The following CWC25 variants were observed in gnomAD, a reference collection of about 807,000 sequenced individuals.
CWC25 encodes the protein pre-mRNA-splicing factor CWC25 homolog.
CWC25 carries 31 observed loss-of-function variants against 54.6 expected under a neutral mutation model. The ratio of observed to expected loss-of-function variants is 0.57; its 90% CI spans 0.43 to 0.77. CWC25 has a LOEUF of 0.77. Among genes scored for constraint, CWC25 ranks in the 30% least tolerant of loss-of-function variants. CWC25 has a pLI of 0.00. For missense variants in CWC25, 453 were observed against 529.3 expected, an observed-to-expected ratio of 0.86 and a Z score of 1.41; for synonymous variants, 151 against 187.0, an observed-to-expected ratio of 0.81 and a Z score of 1.57.
At chr17:38,825,038 G>C in intron 1 of CWC25, 128 bp downstream of exon 1, 1 of 853,032 alleles carries the variant, frequency 1.2e-6, no homozygotes, top group Non-Finnish European at 1.8e-6. Context: ...CCTCTTCAGG[G>C]CAACGGCCTC....
chr17:38,810,093 C>T (rs1911422519), intron 5 of CWC25, among the ~76,000 whole-genome samples: 1 of 152,102 alleles, frequency 6.6e-6, no homozygotes, highest in African/African-American at 2.4e-5. Context: ...GCAAAATGGG[C>T]CCACATCAGC....
intron 2 of CWC25, 45 bp downstream of exon 2, chr17:38,820,855 CT>C: frequency 6.3e-7 from 1 of 1,576,496 alleles, no homozygotes. Context: ...CTCAGGACAG[CT>C]CTGCAATTCC....
Position 38,802,195 on chromosome 17 carries a change from A to C in CWC25, c.1175T>G (p.Leu392Arg). 1 of 1,612,384 alleles carries C rather than the reference A, an allele frequency of 6.2e-7. No individual in the cohort carries two copies. Among genetic ancestry groups the C allele is most frequent in the Middle Eastern group, 1.6e-4 (1 of 6,062 alleles). ...RDGKFIHRMK[L>R]ESASTSSLED... ...CAGGGAGGAAGTAGATGCACTCTCC[A>C]GCTTCATGCGGCTAGGAAGAGAAGA... Residue 392 changes from leucine to arginine, a missense_variant, in exon 10 of 10, where the codon CTG becomes CGG. This residue lies in a region of CWC25 where 444 missense variants were observed against 499.2 expected (regional missense o/e 0.89). Transcript: ENST00000614790.
chr17:38,820,877 G>A, intron 2 of CWC25, 24 bp downstream of exon 2: 4 of 1,598,376 alleles, frequency 2.5e-6, no homozygotes, highest in Admixed American at 1.7e-5. Flanking sequence ...CTACACACAA[G>A]CGCACCCCCA....
At position 38,806,365 on chromosome 17, in the gene CWC25, T is replaced by C. The variant is rs749482809; in HGVS notation, c.933A>G (p.Thr311=). The change falls in exon 8 of 10, where the codon ACA becomes ACG. Residue 311 remains threonine, a synonymous_variant. Transcript: ENST00000614790. The part of the protein sequence containing the change: ...LHNSKVNRRE[T]GQTRSPSPKK... Reference sequence around the variant, plus strand: ...TAGGTGATGGGCTCCTAGTTTGGCCTGTCTCTCTCCTGTTCACCTTAGAGT... The same window carrying C: ...TAGGTGATGGGCTCCTAGTTTGGCCCGTCTCTCTCCTGTTCACCTTAGAGT... The C allele has an allele frequency of 6.2e-7, 1 of 1,613,702 alleles. No homozygotes were observed. Among genetic ancestry groups the C allele is most frequent in the Non-Finnish European group, 8.5e-7 (1 of 1,179,806 alleles).
In CWC25 at chr17:38,802,142, A is replaced by G. The variant is rs373545048; in HGVS notation, c.1228T>C (p.Ser410Pro). Residue 410 changes from serine (S) to proline (P), a missense_variant, in exon 10 of 10, where the codon TCT becomes CCT. Ser to Pro is a moderately conservative substitution (Grantham distance 74, BLOSUM62 -1). Around this residue, in one of 2 missense-constraint regions of CWC25, gnomAD observed 444 missense variants for 499.2 expected, o/e 0.89. Coordinates refer to ENST00000614790, the MANE Select transcript of CWC25 (RefSeq NM_017748.5). ...LEDRVKRNIY[S>P]LQRTSVALEK... ...AGAGCTACCGAAGTTCTCTGTAAAG[A>G]GTAGATATTCCGCTTCACCCGATCC... The G allele has an allele frequency of 1.7e-5, 27 of 1,613,822 alleles. No homozygotes were observed. The highest frequency in any genetic ancestry group is 2.3e-5 in the Non-Finnish European group (27 of 1,179,810).
At chr17:38,818,460 C>T (rs1364511606) in intron 2 of CWC25, among the ~76,000 whole-genome samples, 5 of 144,990 alleles carry the variant, frequency 3.4e-5, no homozygotes, top group African/African-American at 7.7e-5. Flanking sequence ...GGCGTGGTGG[C>T]GGGCGCCTGT....
chr17:38,812,785 T>C lies in CWC25; in HGVS notation c.498+10A>G, dbSNP rs757692484. 75 of 1,440,358 alleles carry C rather than the reference T, an allele frequency of 5.2e-5. No individual in the cohort carries two copies. The highest frequency in any genetic ancestry group is 6.8e-5 in the Non-Finnish European group (71 of 1,045,744). The allele number at this position is 1,440,358 out of a possible 1,614,324, so 89.2% of individuals were successfully genotyped here. A position where few individuals can be genotyped will look rare whatever the true frequency, so the allele number is the denominator to read the frequency against. On this transcript the variant is annotated intron_variant, in intron 4 of 9. Coordinates refer to ENST00000614790, the MANE Select transcript of CWC25 (RefSeq NM_017748.5). ...AGATGCTCTTGGTGCTTATCTGGTA[T>C]ACTACTTACCAATTCTTTGATTTTC...
chr17:38,809,106 C>G (rs967843373), intron 6 of CWC25, among the ~76,000 whole-genome samples: 5 of 150,186 alleles, frequency 3.3e-5, no homozygotes, highest in African/African-American at 9.8e-5. Context: ...AAGAACCCAG[C>G]AGATTTATGT....
chr17:38,802,477 A>T (rs1418514258), intron 9 of CWC25, among the ~76,000 whole-genome samples: 1 of 152,226 alleles, frequency 6.6e-6, no homozygotes, highest in African/African-American at 2.4e-5. Flanking sequence ...TTAAAAAGGA[A>T]GGTCAAGGAA....
intron 6 of CWC25, among the ~76,000 whole-genome samples, chr17:38,807,563 C>T (rs1911304991): frequency 7.2e-6 from 1 of 139,136 alleles, no homozygotes; most frequent in South Asian, 2.4e-4. Context: ...TTGATACCAC[C>T]CAGAGCAACT....
chr17:38,804,394 G>C (rs1490912062), intron 8 of CWC25, among the ~76,000 whole-genome samples: 1 of 152,054 alleles, frequency 6.6e-6, no homozygotes, highest in African/African-American at 2.4e-5. Context: ...ATCTGGCCGG[G>C]CACGGTGGCT....
chr17:38,806,442 G>A (rs761154026), intron 7 of CWC25, 47 bp from the exon 8 acceptor site: 1 of 1,487,378 alleles, frequency 6.7e-7, no homozygotes, highest in Non-Finnish European at 9.3e-7. Flanking sequence ...TTTTGGTCCA[G>A]GGGCTTACAC....
chr17:38,812,323 C>G (rs755099420), intron 4 of CWC25, among the ~76,000 whole-genome samples: 1 of 152,176 alleles, frequency 6.6e-6, no homozygotes, highest in Non-Finnish European at 1.5e-5. Flanking sequence ...TTAGCCCACA[C>G]TCTTCTTCTG....
chr17:38,819,907 A>G (rs866613429), intron 2 of CWC25, among the ~76,000 whole-genome samples: 1 of 151,922 alleles, frequency 6.6e-6, no homozygotes. Context: ...CCTGACCTCA[A>G]GTGATCTGCC....
intron 2 of CWC25, among the ~76,000 whole-genome samples, chr17:38,820,594 G>A (rs543755393): frequency 1.3e-5 from 2 of 152,218 alleles, no homozygotes; most frequent in South Asian, 2.1e-4. Context: ...CCTCCATCAC[G>A]GTTATCAGCC....
At chr17:38,813,102 G>A (rs1314771517) in intron 3 of CWC25, among the ~76,000 whole-genome samples, 4 of 151,282 alleles carry the variant, frequency 2.6e-5, no homozygotes, top group African/African-American at 7.3e-5. Flanking sequence ...AGCTGAGATC[G>A]TGCCACTGCA....
rs1339353889 is a variant in CWC25, at chr17:38,824,499, C to T, written c.18+667G>A. On this transcript the variant is annotated intron_variant, in intron 1 of 9. Coordinates refer to ENST00000614790, the MANE Select transcript of CWC25 (RefSeq NM_017748.5). ...GTCGGCAGATCGAGACCAGCCTGAC[C>T]AACATGGAGAAACCCTGTCTCTACT... Among the ~76,000 whole-genome samples, 4 of 151,960 alleles carry T rather than the reference C, an allele frequency of 2.6e-5. No homozygotes were observed. The East Asian group carries it at 7.7e-4, about 29-fold the overall frequency.
intron 4 of CWC25, among the ~76,000 whole-genome samples, chr17:38,812,567 C>A (rs374874382): frequency 4.6e-5 from 7 of 152,108 alleles, no homozygotes; most frequent in Admixed American, 2.6e-4. Flanking sequence ...GCGGAGGTTG[C>A]GGTGAGCTGA....
Sources: gnomAD v4.1 joint callset for allele counts (sites outside exome capture counted in the v4.1 genomes callset) on GRCh38, gnomAD v4.1.1 for gene constraint, gnomAD v4.1.1 regional missense constraint, MANE v1.5 for transcripts, NCBI Gene and HGNC (gene_info 2026-07-23, HGNC 2026-07-21) for gene names.